The following CFAP47 variants were observed in gnomAD, a reference collection of about 807,000 sequenced individuals.
CFAP47 encodes the protein cilia- and flagella-associated protein 47.
Under a neutral mutation model 148.1 loss-of-function variants are expected in CFAP47, and 29 were observed. That is an observed-to-expected ratio of 0.20 (90% confidence interval 0.15 to 0.27). The LOEUF (loss-of-function observed/expected upper bound fraction) is 0.27. Ranked by LOEUF, CFAP47 falls within the 10% of genes least tolerant of loss-of-function variation. CFAP47 has a pLI of 1.00. For missense variants in CFAP47, 1,872 were observed against 1,697.5 expected (o/e 1.10, Z -1.81); for synonymous variants, 664 against 577.3 (o/e 1.15, Z -2.15).
At chrX:35,957,537 T>C (rs1295088359) in intron 8 of CFAP47, among the ~76,000 whole-genome samples, 2 of 112,311 alleles carry the variant, frequency 1.8e-5, no homozygotes, top group Non-Finnish European at 3.8e-5. Flanking sequence ...GGATAGATGT[T>C]ATCAGTTTTC....
In CFAP47 at chrX:35,919,788, G is replaced by T. The variant is rs766648076; in HGVS notation, c.-12G>T. ...GATCCACATCTGTTTTCTGGCTACC[G>T]AGAGGGCAGCCATGAACACCCAAAA... On this transcript the variant is annotated 5_prime_UTR_variant, in exon 1 of 64. Coordinates refer to ENST00000378653, the MANE Select transcript of CFAP47 (RefSeq NM_001304548.2). 6 of 1,192,815 alleles carry T rather than the reference G, an allele frequency of 5.0e-6. No individual in the cohort carries two copies. The highest frequency in any genetic ancestry group is 6.8e-6 in the Non-Finnish European group (6 of 883,359).
rs758962568 is a variant in CFAP47 at position 36,079,062 on chromosome X, A to G, written c.4691+5698A>G. Reference sequence around the variant, plus strand: ...AAGAGATCCACTGTTAGTCTGATGGACTTCCCTTTGTGGGTAACCCGACCT... The same window carrying G: ...AAGAGATCCACTGTTAGTCTGATGGGCTTCCCTTTGTGGGTAACCCGACCT... On this transcript the variant is annotated intron_variant, in intron 29 of 63. Transcript: ENST00000378653. 4.8e-4 allele frequency among the ~76,000 whole-genome samples: 54 copies of G among 111,733 alleles called. 1 individual carries two copies. The highest frequency in any genetic ancestry group is 1.5e-3 in the African/African-American group (47 of 30,766).
chrX:36,330,727 C>T (rs1327856217), intron 57 of CFAP47, among the ~76,000 whole-genome samples: 4 of 111,843 alleles, frequency 3.6e-5, no homozygotes, highest in South Asian at 3.8e-4. Flanking sequence ...AATAGCTGAA[C>T]GTGGCTGGAG....
intron 62 of CFAP47, among the ~76,000 whole-genome samples, chrX:36,370,562 A>G (rs1407133152): frequency 9.2e-6 from 1 of 108,683 alleles, no homozygotes; most frequent in Admixed American, 1.0e-4. Context: ...AATGGAAACT[A>G]CCTGCTTCCT....
chrX:36,317,786 A>G (rs1323511024), intron 56 of CFAP47, among the ~76,000 whole-genome samples: 1 of 110,992 alleles, frequency 9.0e-6, no homozygotes, highest in African/African-American at 3.3e-5. Context: ...ATATTAACAT[A>G]TTGTTAATAT....
intron 13 of CFAP47, among the ~76,000 whole-genome samples, chrX:35,973,649 T>C (rs1391294440): frequency 5.4e-5 from 6 of 111,889 alleles, no homozygotes; most frequent in Non-Finnish European, 5.6e-5. Context: ...CCATGTGTGC[T>C]ATAGAGTAGG....
At chrX:36,284,921 A>G (rs1941116786) in intron 50 of CFAP47, among the ~76,000 whole-genome samples, 1 of 111,524 alleles carries the variant, frequency 9.0e-6, no homozygotes, top group Admixed American at 9.6e-5. Context: ...GAGGAAAAAC[A>G]AAACAAAACA....
intron 59 of CFAP47, among the ~76,000 whole-genome samples, chrX:36,352,793 A>G (rs891839644): frequency 8.2e-5 from 9 of 109,753 alleles, no homozygotes; most frequent in South Asian, 3.7e-4. Context: ...AAAGTTTTTC[A>G]CCACTGGAGA....
chrX:35,956,753 C>T (rs1268153495), intron 8 of CFAP47, among the ~76,000 whole-genome samples: 1 of 111,778 alleles, frequency 8.9e-6, no homozygotes, highest in African/African-American at 3.2e-5. Context: ...CTGTTTTTCT[C>T]TTAATTGCTG....
chrX:35,947,398 C>T (rs896909931), intron 3 of CFAP47, among the ~76,000 whole-genome samples: 4 of 104,814 alleles, frequency 3.8e-5, no homozygotes, highest in African/African-American at 1.4e-4. Flanking sequence ...AGGGCATGGG[C>T]CAAAAGGACA....
At chrX:36,058,073 G>T (rs1452853401) in intron 26 of CFAP47, among the ~76,000 whole-genome samples, 1 of 111,776 alleles carries the variant, frequency 8.9e-6, no homozygotes, top group African/African-American at 3.2e-5. Context: ...AACATTAAAT[G>T]ATTTTTATTT....
intron 33 of CFAP47, among the ~76,000 whole-genome samples, chrX:36,117,748 A>T (rs892435498): frequency 6.3e-5 from 7 of 111,343 alleles, no homozygotes; most frequent in Non-Finnish European, 1.1e-4. Context: ...TTTTTACTTA[A>T]TATGATTCTA....
Position 36,018,864 on chromosome X carries a change from A to G in CFAP47, c.3556+3952A>G, listed in dbSNP as rs144337901. 5.3e-3 allele frequency among the ~76,000 whole-genome samples: 589 copies of G among 110,264 alleles called. 6 individuals carry two copies. Among genetic ancestry groups the G allele is most frequent in the African/African-American group, 0.019 (562 of 30,275 alleles). The stretch of plus-strand genomic sequence containing the variant: ...GGTATCAGAGGAATACTGGCCTCAT[A>G]GAATGAATTTGGAAGTATTCCATTG... On this transcript the variant is annotated intron_variant, in intron 22 of 63. Transcript: ENST00000378653.
intron 33 of CFAP47, among the ~76,000 whole-genome samples, chrX:36,123,335 G>A (rs1303750218): frequency 1.8e-5 from 2 of 112,057 alleles, no homozygotes; most frequent in East Asian, 5.7e-4. Context: ...CAATCATCAG[G>A]TGGCAAAGCC....
intron 7 of CFAP47, among the ~76,000 whole-genome samples, chrX:35,955,481 G>A (rs1192711455): frequency 9.0e-6 from 1 of 111,710 alleles, no homozygotes; most frequent in Non-Finnish European, 1.9e-5. Flanking sequence ...CTGCCCTAGC[G>A]TATTTGTGCT....
At chrX:36,033,497 T>A (rs188789277) in intron 23 of CFAP47, among the ~76,000 whole-genome samples, 10 of 111,855 alleles carry the variant, frequency 8.9e-5, no homozygotes, top group Non-Finnish European at 1.9e-5. Context: ...GTATAATAAC[T>A]TTTCCTCATT....
chrX:36,140,686 A>G (rs16987374), intron 35 of CFAP47, among the ~76,000 whole-genome samples: 10,906 of 111,445 alleles, frequency 0.098, 1,045 homozygotes, highest in African/African-American at 0.3. Context: ...CTGGTCCACC[A>G]TTGAATCCTG....
intron 6 of CFAP47, 110 bp downstream of exon 6, chrX:35,952,073 A>T (rs1334616632): frequency 1.2e-6 from 1 of 811,450 alleles, no homozygotes; most frequent in African/African-American, 2.2e-5. Context: ...GCCAGAAGGC[A>T]CAAGTCAGAT....
chrX:35,921,073 G>A (rs1210999869), intron 1 of CFAP47, among the ~76,000 whole-genome samples: 1 of 111,422 alleles, frequency 9.0e-6, no homozygotes, highest in Non-Finnish European at 1.9e-5. Context: ...AAATAAATAT[G>A]TGTGTGTGTA....
Sources: gnomAD v4.1 joint callset for allele counts (sites outside exome capture counted in the v4.1 genomes callset) on GRCh38, gnomAD v4.1.1 for gene constraint, MANE v1.5 for transcripts, NCBI Gene and HGNC (gene_info 2026-07-23, HGNC 2026-07-21) for gene names.